Variants in ZNF385B observed in about 807,000 individuals in gnomAD.
ZNF385B encodes the protein zinc finger protein 385B, also known as zinc finger protein 533.
ZNF385B carries 23 observed loss-of-function variants against 39.2 expected under a neutral mutation model. The observed-to-expected ratio is 0.59, with a 90% CI of 0.42 to 0.83. The LOEUF (loss-of-function observed/expected upper bound fraction) is 0.83, where lower values mean the gene tolerates loss of function less well. ZNF385B is among the 40% of genes least tolerant of loss of function. The pLI, the probability that ZNF385B is intolerant of heterozygous loss-of-function variation, is 0.00. For synonymous variants in ZNF385B, 205 were observed against 222.6 expected (o/e 0.92, Z 0.70); for missense variants, 552 against 598.9 (o/e 0.92, Z 0.82).
At chr2:179,569,774 T>A (rs1685003234) in intron 3 of ZNF385B, among the ~76,000 whole-genome samples, 1 of 152,208 alleles carries the variant, frequency 6.6e-6, no homozygotes, top group Non-Finnish European at 1.5e-5. Flanking sequence ...ACCAAGGCTA[T>A]AGATACAGTC....
intron 3 of ZNF385B, among the ~76,000 whole-genome samples, chr2:179,749,544 T>C (rs997351223): frequency 2.0e-5 from 3 of 152,134 alleles, no homozygotes; most frequent in African/African-American, 4.8e-5. Context: ...TCCTTGGCTG[T>C]AACACTGTTA....
intron 1 of ZNF385B, among the ~76,000 whole-genome samples, chr2:179,795,360 G>A (rs1258933837): frequency 6.6e-6 from 1 of 152,046 alleles, no homozygotes; most frequent in Non-Finnish European, 1.5e-5. Context: ...ATTTTATGGG[G>A]GTGAGATCAT....
intron 3 of ZNF385B, chr2:179,575,994 G>A (rs1259660779): frequency 4.1e-6 from 1 of 246,014 alleles, no homozygotes; most frequent in Non-Finnish European, 6.5e-6. Flanking sequence ...ACTTTAACTT[G>A]TTTCTTCCCT....
intron 3 of ZNF385B, among the ~76,000 whole-genome samples, chr2:179,659,907 A>C (rs1290184280): frequency 1.3e-5 from 2 of 152,226 alleles, no homozygotes; most frequent in African/African-American, 2.4e-5. Context: ...GATTATTCTA[A>C]ATTGCCAAAC....
intron 5 of ZNF385B, among the ~76,000 whole-genome samples, chr2:179,504,870 C>T (rs1447722918): frequency 6.6e-6 from 1 of 151,692 alleles, no homozygotes; most frequent in Non-Finnish European, 1.5e-5. Flanking sequence ...AGGACAGCAC[C>T]AAGGGGGATG....
chr2:179,840,398 T>C (rs1708479192), intron 1 of ZNF385B, among the ~76,000 whole-genome samples: 1 of 152,178 alleles, frequency 6.6e-6, no homozygotes, highest in African/African-American at 2.4e-5. Flanking sequence ...AATTGAACCA[T>C]CAAAGTTCAA....
intron 1 of ZNF385B, among the ~76,000 whole-genome samples, chr2:179,802,026 A>G (rs1706065734): frequency 3.9e-5 from 6 of 152,134 alleles, no homozygotes; most frequent in Admixed American, 3.9e-4. Flanking sequence ...TCTCAGTATT[A>G]CCAGGACTGA....
At chr2:179,847,999 A>G (rs1325168897) in intron 1 of ZNF385B, among the ~76,000 whole-genome samples, 2 of 152,200 alleles carry the variant, frequency 1.3e-5, no homozygotes, top group African/African-American at 4.8e-5. Context: ...ATAGCTCTAG[A>G]AAGAAGCATG....
intron 1 of ZNF385B, among the ~76,000 whole-genome samples, chr2:179,794,949 A>G (rs1705565064): frequency 6.6e-6 from 1 of 152,148 alleles, no homozygotes; most frequent in African/African-American, 2.4e-5. Flanking sequence ...TAATGGGAAG[A>G]GTATGTGAGG....
At chr2:179,530,437 C>T (rs2059185315) in intron 4 of ZNF385B, among the ~76,000 whole-genome samples, 1 of 152,180 alleles carries the variant, frequency 6.6e-6, no homozygotes, top group African/African-American at 2.4e-5. Context: ...AAATATGTTA[C>T]AAGGGCTTTC....
chr2:179,591,293 C>T (rs1256073977), intron 3 of ZNF385B, among the ~76,000 whole-genome samples: 1 of 151,420 alleles, frequency 6.6e-6, no homozygotes, highest in Non-Finnish European at 1.5e-5. Context: ...TTTTTTTCAG[C>T]TTTCCAGTAG....
At chr2:179,691,508 G>T (rs1461543083) in intron 3 of ZNF385B, among the ~76,000 whole-genome samples, 1 of 152,154 alleles carries the variant, frequency 6.6e-6, no homozygotes, top group Non-Finnish European at 1.5e-5. Flanking sequence ...AGATACTGGA[G>T]AAACTCCGAG....
chr2:179,446,917 A>G (rs1295050988), intron 6 of ZNF385B, 147 bp from the exon 7 acceptor site: 3 of 986,268 alleles, frequency 3.0e-6, no homozygotes, highest in Non-Finnish European at 4.3e-6. Context: ...GGTTAAATCA[A>G]CCTCTATGTT....
chr2:179,492,897 G>A (rs542656841), intron 5 of ZNF385B, among the ~76,000 whole-genome samples: 10 of 152,164 alleles, frequency 6.6e-5, no homozygotes, highest in African/African-American at 9.6e-5. Context: ...TGCTAAGGCC[G>A]TTTCTGTAGT....
At chr2:179,827,567 T>G (rs1707747153) in intron 1 of ZNF385B, among the ~76,000 whole-genome samples, 1 of 152,150 alleles carries the variant, frequency 6.6e-6, no homozygotes, top group Non-Finnish European at 1.5e-5. Flanking sequence ...AAAATGTAAA[T>G]AATTTAAATA....
At chr2:179,596,152 A>G (rs1407212975) in intron 3 of ZNF385B, among the ~76,000 whole-genome samples, 1 of 152,134 alleles carries the variant, frequency 6.6e-6, no homozygotes, top group East Asian at 1.9e-4. Flanking sequence ...ATTACCTCAT[A>G]GTTCTGTAGG....
intron 1 of ZNF385B, among the ~76,000 whole-genome samples, chr2:179,778,768 G>A (rs1478692371): frequency 6.6e-6 from 1 of 151,688 alleles, no homozygotes; most frequent in African/African-American, 2.4e-5. Context: ...AGAAATTTTG[G>A]AAAATACAAA....
intron 3 of ZNF385B, among the ~76,000 whole-genome samples, chr2:179,546,676 T>C (rs2060253319): frequency 6.6e-6 from 1 of 152,200 alleles, no homozygotes; most frequent in Non-Finnish European, 1.5e-5. Flanking sequence ...ATAGTGTTGC[T>C]ATAAACTTGG....
At chr2:179,475,767 A>G (rs1375580586) in intron 6 of ZNF385B, among the ~76,000 whole-genome samples, 5 of 151,854 alleles carry the variant, frequency 3.3e-5, no homozygotes, top group Admixed American at 6.5e-5. Flanking sequence ...GAAAGTCTAA[A>G]GCACTTTGGG....
Sources: gnomAD v4.1 joint callset for allele counts (sites outside exome capture counted in the v4.1 genomes callset) on GRCh38, gnomAD v4.1.1 for gene constraint, MANE v1.5 for transcripts, NCBI Gene and HGNC (gene_info 2026-07-23, HGNC 2026-07-21) for gene names.